The following SNX18 variants were observed in gnomAD, a reference collection of about 807,000 sequenced individuals.
The protein encoded by SNX18 is sorting nexin 18.
A neutral mutation model predicts 48.7 loss-of-function variants in SNX18; 35 were observed. The ratio of observed to expected loss-of-function variants is 0.72; its 90% CI spans 0.55 to 0.95. The LOEUF is 0.95. SNX18 is among the 40% of genes least tolerant of loss of function. SNX18 has a pLI of 0.00. For missense variants in SNX18, 824 were observed against 871.0 expected (o/e 0.95, Z 0.68); for synonymous variants, 492 against 384.7 (o/e 1.28, Z -3.26).
At chr5:54,567,562 A>T in the SNX18 span, among the ~76,000 whole-genome samples, 1 of 152,176 alleles carries the variant, frequency 6.6e-6, no homozygotes, top group Non-Finnish European at 1.5e-5. Flanking sequence ...CATCAGGGCG[A>T]TGTGGCAGGA....
At chr5:54,565,878 A>G in the SNX18 span, among the ~76,000 whole-genome samples, 1 of 152,178 alleles carries the variant, frequency 6.6e-6, no homozygotes, top group Admixed American at 6.5e-5. Context: ...TATTACAAAA[A>G]TTAACCAATG....
At chr5:54,536,843 C>CCAA (rs1184625985) in intron 1 of SNX18, among the ~76,000 whole-genome samples, 2 of 152,184 alleles carry the variant, frequency 1.3e-5, no homozygotes, top group African/African-American at 4.8e-5. Flanking sequence ...TACAGTCCTA[C>CCAA]CAACAGTGTA....
At chr5:54,586,359 G>C in the SNX18 span, among the ~76,000 whole-genome samples, 1 of 152,152 alleles carries the variant, frequency 6.6e-6, no homozygotes, top group African/African-American at 2.4e-5. Context: ...GGGGAAATGA[G>C]GGACAGAGCA....
At chr5:54,541,760 T>G (rs1762475596) in intron 1 of SNX18, among the ~76,000 whole-genome samples, 1 of 152,220 alleles carries the variant, frequency 6.6e-6, no homozygotes. Flanking sequence ...TATATATGGA[T>G]GAAATTTGCT....
the SNX18 span, among the ~76,000 whole-genome samples, chr5:54,630,452 A>G: frequency 6.6e-6 from 1 of 152,130 alleles, no homozygotes; most frequent in African/African-American, 2.4e-5. Flanking sequence ...CTGACCCACC[A>G]TCTTGGCGAA....
the SNX18 span, among the ~76,000 whole-genome samples, chr5:54,642,048 T>C: frequency 6.6e-6 from 1 of 152,210 alleles, no homozygotes; most frequent in Non-Finnish European, 1.5e-5. Flanking sequence ...ACCTGAGTAC[T>C]AAGATTAGAA....
the SNX18 span, among the ~76,000 whole-genome samples, chr5:54,592,582 T>C: frequency 1.3e-5 from 2 of 152,180 alleles, no homozygotes; most frequent in Admixed American, 1.3e-4. Context: ...TTGTGGTCAG[T>C]CAACAATTCA....
At chr5:54,646,586 C>G in the SNX18 span, among the ~76,000 whole-genome samples, 1 of 152,202 alleles carries the variant, frequency 6.6e-6, no homozygotes, top group Non-Finnish European at 1.5e-5. Flanking sequence ...GAAGGTATTG[C>G]CAACCATAAC....
chr5:54,582,719 G>T, the SNX18 span, among the ~76,000 whole-genome samples: 1 of 152,120 alleles, frequency 6.6e-6, no homozygotes, highest in African/African-American at 2.4e-5. Flanking sequence ...TTGAGCTCAA[G>T]AATTCAAGGC....
the SNX18 span, among the ~76,000 whole-genome samples, chr5:54,594,464 C>A: frequency 3.3e-5 from 5 of 152,142 alleles, no homozygotes; most frequent in African/African-American, 1.2e-4. Flanking sequence ...TGTCTGGGAA[C>A]TTGGATTTTT....
At chr5:54,540,901 C>T (rs1298291151) in intron 1 of SNX18, among the ~76,000 whole-genome samples, 1 of 152,186 alleles carries the variant, frequency 6.6e-6, no homozygotes, top group East Asian at 1.9e-4. Context: ...TGAGATTTTT[C>T]TCTTTTAATT....
the SNX18 span, among the ~76,000 whole-genome samples, chr5:54,556,163 G>T: frequency 4.6e-5 from 7 of 152,172 alleles, no homozygotes; most frequent in Non-Finnish European, 1.0e-4. Flanking sequence ...GAATGATGCT[G>T]CAATGAACAT....
the SNX18 span, among the ~76,000 whole-genome samples, chr5:54,578,377 G>A: frequency 0.03 from 4,548 of 152,322 alleles, 84 homozygotes; most frequent in Middle Eastern, 0.054. Context: ...CTGTGCTGGA[G>A]ATGCCAACTG....
the SNX18 span, among the ~76,000 whole-genome samples, chr5:54,567,617 C>A: frequency 4.6e-5 from 7 of 152,176 alleles, no homozygotes; most frequent in African/African-American, 1.7e-4. Flanking sequence ...ATTTTCACTG[C>A]ATGCCTTACT....
At chr5:54,644,789 A>T in the SNX18 span, 1 of 152,324 alleles carries the variant, frequency 6.6e-6, no homozygotes, top group Non-Finnish European at 1.5e-5. Flanking sequence ...AACAGAACCT[A>T]GGATAGTAAA....
At chr5:54,564,086 C>T in the SNX18 span, among the ~76,000 whole-genome samples, 16 of 151,824 alleles carry the variant, frequency 1.1e-4, no homozygotes, top group African/African-American at 3.1e-4. Flanking sequence ...TTCAAGACAG[C>T]GTGGCCATCT....
At chr5:54,591,738 T>C in the SNX18 span, among the ~76,000 whole-genome samples, 4 of 152,196 alleles carry the variant, frequency 2.6e-5, no homozygotes, top group Admixed American at 6.5e-5. Context: ...GCTTCCACAC[T>C]TTGCCCCAGT....
chr5:54,547,220 G>C (rs938478172), downstream of SNX18, among the ~76,000 whole-genome samples: 3 of 152,152 alleles, frequency 2.0e-5, no homozygotes, highest in South Asian at 2.1e-4. Flanking sequence ...GGGAGGCTGT[G>C]AGAAGGAGAG....
the SNX18 span, among the ~76,000 whole-genome samples, chr5:54,632,176 C>T: frequency 6.6e-6 from 1 of 152,162 alleles, no homozygotes; most frequent in Non-Finnish European, 1.5e-5. Context: ...TGGGGTCCTG[C>T]GTTTCACCAG....
Sources: allele counts gnomAD v4.1 joint callset (sites outside exome capture counted in the v4.1 genomes callset), GRCh38; gene constraint gnomAD v4.1.1; transcripts MANE v1.5; gene names NCBI Gene and HGNC (gene_info 2026-07-23, HGNC 2026-07-21).